The following UNC13C variants were observed in gnomAD, a reference collection of about 807,000 sequenced individuals.
The protein encoded by UNC13C is protein unc-13 homolog C.
UNC13C carries 174 observed loss-of-function variants against 245.4 expected under a neutral mutation model. The observed-to-expected ratio is 0.71, with a 90% CI of 0.63 to 0.80. The LOEUF is 0.80. UNC13C is among the 30% of genes least tolerant of loss of function. UNC13C has a pLI of 0.00. For missense variants in UNC13C, 2,829 were observed against 2,602.9 expected, an observed-to-expected ratio of 1.09 and a Z score of -1.89; for synonymous variants, 992 against 895.1, an observed-to-expected ratio of 1.11 and a Z score of -1.93.
chr15:54,113,492 G>T (rs1244400588), intron 2 of UNC13C, among the ~76,000 whole-genome samples: 2 of 152,146 alleles, frequency 1.3e-5, no homozygotes, highest in Non-Finnish European at 2.9e-5. Flanking sequence ...TAGGTCCGGG[G>T]AAGTCTTTCC....
intron 4 of UNC13C, among the ~76,000 whole-genome samples, chr15:54,175,569 G>A (rs1396391011): frequency 7.1e-6 from 1 of 141,268 alleles, no homozygotes; most frequent in East Asian, 2.1e-4. Context: ...CTGGAGCGTA[G>A]TGGCGCGATC....
the UNC13C span, among the ~76,000 whole-genome samples, chr15:53,841,190 TA>T: frequency 1.9e-4 from 29 of 152,092 alleles, no homozygotes; most frequent in African/African-American, 2.7e-4. Flanking sequence ...TATTTTATAT[TA>T]AAAAAAACTG....
chr15:54,409,540 C>A (rs1410491285), intron 18 of UNC13C, among the ~76,000 whole-genome samples: 1 of 152,086 alleles, frequency 6.6e-6, no homozygotes, highest in Non-Finnish European at 1.5e-5. Context: ...CACCCTCCAC[C>A]CTCAAGGAGG....
At chr15:54,257,455 C>T (rs2036308332) in intron 8 of UNC13C, among the ~76,000 whole-genome samples, 1 of 152,124 alleles carries the variant, frequency 6.6e-6, no homozygotes, top group Non-Finnish European at 1.5e-5. Flanking sequence ...TAAAAGTATG[C>T]ATATACCAAT....
At position 54,050,804 on chromosome 15, in the gene UNC13C, G is replaced by A. The variant is rs752138880; in HGVS notation, c.2983+34918G>A. On this transcript the variant is annotated intron_variant, in intron 2 of 32. Coordinates refer to ENST00000260323, the MANE Select transcript of UNC13C (RefSeq NM_001080534.3). ...ATCACTATATGAATACAGCCCTTCAGCAGTAGTCCAGCCTACACAGCTTAC... is the reference window on the plus strand; with the variant it reads ...ATCACTATATGAATACAGCCCTTCAACAGTAGTCCAGCCTACACAGCTTAC... 20 of 594,408 alleles carry A rather than the reference G, an allele frequency of 3.4e-5. 1 individual carries two copies. The highest frequency in any genetic ancestry group is 5.6e-4 in the Middle Eastern group (1 of 1,790). The allele number at this position is 594,408 out of a possible 1,614,324, so 36.8% of individuals were successfully genotyped here. A position where few individuals can be genotyped will look rare whatever the true frequency, so the allele number is the denominator to read the frequency against.
intron 4 of UNC13C, among the ~76,000 whole-genome samples, chr15:54,232,752 T>G (rs1478641368): frequency 6.6e-6 from 1 of 152,142 alleles, no homozygotes; most frequent in Non-Finnish European, 1.5e-5. Context: ...GGTACTGTAA[T>G]GGGAAAATAT....
At chr15:53,998,420 A>G (rs909753193) in intron 1 of UNC13C, among the ~76,000 whole-genome samples, 2 of 151,850 alleles carry the variant, frequency 1.3e-5, no homozygotes, top group Admixed American at 6.6e-5. Context: ...TTATTTTTCA[A>G]TTTTTTACTG....
the UNC13C span, among the ~76,000 whole-genome samples, chr15:53,958,301 A>G: frequency 1.3e-5 from 2 of 152,240 alleles, no homozygotes; most frequent in Non-Finnish European, 1.5e-5. Context: ...CTCAAATTTC[A>G]AATGGACTCA....
intron 13 of UNC13C, among the ~76,000 whole-genome samples, chr15:54,305,939 A>C (rs1344793172): frequency 6.6e-6 from 1 of 152,018 alleles, no homozygotes; most frequent in African/African-American, 2.4e-5. Flanking sequence ...TTCCTCTTTT[A>C]TTAGAGATTT....
chr15:54,338,238 T>G, intron 16 of UNC13C, 123 bp from the exon 17 acceptor site: 2 of 1,126,016 alleles, frequency 1.8e-6, no homozygotes, highest in Non-Finnish European at 2.5e-6. Flanking sequence ...CATGGTAAGA[T>G]GACACTTACT....
Position 54,546,840 on chromosome 15 carries a change from C to G in UNC13C, c.5815C>G (p.Gln1939Glu), listed in dbSNP as rs1269399105. 6.3e-7 allele frequency: 1 copy of G among 1,576,860 alleles called. No individual in the cohort carries two copies. The highest frequency in any genetic ancestry group is 1.9e-5 in the Admixed American group (1 of 53,788). The change falls in exon 27 of 33, where the codon CAA becomes GAA. Residue 1939 changes from glutamine to glutamate, a missense_variant. Physicochemically the swap from Gln to Glu is conservative, Grantham distance 29. Coordinates refer to ENST00000260323, the MANE Select transcript of UNC13C (RefSeq NM_001080534.3). Reference protein sequence around the residue: ...KQIVLPPLTDQTGPQMIFIAA... With the variant: ...KQIVLPPLTDETGPQMIFIAA... ...AATTGTTCTTCCTCCTCTGACAGAT[C>G]AAACAGTAAGTATATAAAGTTTAGT...
intron 2 of UNC13C, among the ~76,000 whole-genome samples, chr15:54,069,395 C>T (rs948191149): frequency 2.6e-5 from 4 of 152,194 alleles, no homozygotes; most frequent in African/African-American, 9.6e-5. Flanking sequence ...TAAGGATAGA[C>T]ATTCATAATA....
intron 30 of UNC13C, among the ~76,000 whole-genome samples, chr15:54,582,790 A>C (rs1454937922): frequency 6.6e-6 from 1 of 152,160 alleles, no homozygotes; most frequent in Admixed American, 6.5e-5. Flanking sequence ...CTTGTTAAAC[A>C]GGATAATGGT....
Position 54,494,684 on chromosome 15 carries a change from A to C in UNC13C, c.5010A>C (p.Glu1670Asp). 6.2e-7 allele frequency: 1 copy of C among 1,611,554 alleles called. No homozygotes were observed. The highest frequency in any genetic ancestry group is 1.7e-4 in the Middle Eastern group (1 of 6,052). Residue 1670 changes from glutamate to aspartate, a missense_variant, in exon 20 of 33, where the codon GAA becomes GAC. By Grantham distance (45) the Glu-to-Asp change is conservative. Coordinates refer to ENST00000260323, the MANE Select transcript of UNC13C (RefSeq NM_001080534.3). ...LHFKVKWFYN[E>D]YVRELPAFKD... The stretch of plus-strand genomic sequence containing the variant: ...TCAAAGTTAAATGGTTTTATAATGA[A>C]TATGTGCGTGAACTTCCTGCCTTCA...
At chr15:54,439,169 T>C (rs1196105630) in intron 19 of UNC13C, among the ~76,000 whole-genome samples, 3 of 151,986 alleles carry the variant, frequency 2.0e-5, no homozygotes, top group Admixed American at 1.3e-4. Context: ...CAATCTCTGT[T>C]ACATGGAATA....
chr15:54,627,230 T>G lies in UNC13C; in HGVS notation c.*117T>G. The G allele has an allele frequency of 9.1e-7, 1 of 1,103,876 alleles. No homozygotes were observed. The highest frequency in any genetic ancestry group is 1.3e-6 in the Non-Finnish European group (1 of 795,412). The allele number at this position is 1,103,876 out of a possible 1,614,324, so 68.4% of individuals were successfully genotyped here. On this transcript the variant is annotated 3_prime_UTR_variant, in exon 33 of 33. Transcript: ENST00000260323. ...AATGTTTGCCAGTACTCATGTACGA[T>G]GTCTACAAGGTATGTAAAAAACCTG...
intron 17 of UNC13C, among the ~76,000 whole-genome samples, chr15:54,341,955 G>C (rs1006125987): frequency 6.8e-6 from 1 of 147,022 alleles, no homozygotes; most frequent in Non-Finnish European, 1.5e-5. Flanking sequence ...CAGCCTGGGC[G>C]ACAGAGCGAG....
chr15:54,563,255 T>A (rs1214902664), intron 29 of UNC13C, among the ~76,000 whole-genome samples: 1 of 152,072 alleles, frequency 6.6e-6, no homozygotes, highest in East Asian at 1.9e-4. Flanking sequence ...CTGTCAAACA[T>A]GCTTTCTGCC....
At chr15:54,060,303 C>T (rs1380362659) in intron 2 of UNC13C, among the ~76,000 whole-genome samples, 1 of 152,084 alleles carries the variant, frequency 6.6e-6, no homozygotes, top group Non-Finnish European at 1.5e-5. Flanking sequence ...AAAAAGTGGG[C>T]AAAGGATATG....
Sources: gnomAD v4.1 joint callset for allele counts (sites outside exome capture counted in the v4.1 genomes callset) on GRCh38, gnomAD v4.1.1 for gene constraint, MANE v1.5 for transcripts, NCBI Gene and HGNC (gene_info 2026-07-23, HGNC 2026-07-21) for gene names.